The following ABCA1 variants were observed in gnomAD, a reference collection of about 807,000 sequenced individuals.
The protein encoded by ABCA1 is phospholipid-transporting ATPase ABCA1.
Under a neutral mutation model 262.5 loss-of-function variants are expected in ABCA1, and 133 were observed. The ratio of observed to expected loss-of-function variants is 0.51; its 90% CI spans 0.44 to 0.59. The LOEUF is 0.59. ABCA1 is among the 20% of genes least tolerant of loss of function. The pLI is 0.00. For missense variants in ABCA1, 2,452 were observed against 2,777.5 expected (o/e 0.88, Z 2.63); for synonymous variants, 1,022 against 1,043.5 (o/e 0.98, Z 0.40).
At chr9:104,902,279 A>G (rs1007657135) in intron 2 of ABCA1, among the ~76,000 whole-genome samples, 6 of 152,218 alleles carry the variant, frequency 3.9e-5, no homozygotes, top group African/African-American at 1.4e-4. Context: ...GCCCAAGTTT[A>G]TATTTGTGTT....
At chr9:104,862,660 G>C (rs1366571094) in intron 5 of ABCA1, among the ~76,000 whole-genome samples, 134 of 1,502 alleles carry the variant, frequency 0.089, 21 homozygotes, top group African/African-American at 0.2. Context: ...GGGCCGGGCC[G>C]GGCCGGGCCG....
At position 104,910,521 on chromosome 9, in the gene ABCA1, T is replaced by G. The variant is rs532903418; in HGVS notation, c.-92-6750A>C. Among the ~76,000 whole-genome samples the G allele has an allele frequency of 6.6e-5, 10 of 152,338 alleles. No homozygotes were observed. In the East Asian group the frequency reaches 1.3e-3, roughly 21 times the overall value. On this transcript the variant is annotated intron_variant, in intron 1 of 49. Coordinates refer to ENST00000374736, the MANE Select transcript of ABCA1 (RefSeq NM_005502.4). ...CCCAAAATGTACAGATAGCAACTAA[T>G]TCTCCTCTTTCAAAAACAGTGATTA... is the stretch of plus-strand genomic sequence containing the variant.
In ABCA1 at chr9:104,828,896, A is replaced by G. The variant is rs1833020664; in HGVS notation, c.2115+20T>C. 1.2e-6 allele frequency: 2 copies of G among 1,612,106 alleles called. No individual in the cohort carries two copies. Among genetic ancestry groups the G allele is most frequent in the African/African-American group, 1.3e-5 (1 of 74,836 alleles). On this transcript the variant is annotated intron_variant, in intron 15 of 49. Transcript: ENST00000374736. Reference sequence around the variant, plus strand: ...ATTTCGGAGTTTCCTGGCAGGGAAGAGCGAGTGAGGCTGCCTTACCTTCAG... The same window carrying G: ...ATTTCGGAGTTTCCTGGCAGGGAAGGGCGAGTGAGGCTGCCTTACCTTCAG...
chr9:104,911,496 G>A (rs1841496614), intron 1 of ABCA1, among the ~76,000 whole-genome samples: 2 of 152,202 alleles, frequency 1.3e-5, no homozygotes, highest in Admixed American at 6.5e-5. Flanking sequence ...TGGCTGCTGT[G>A]GGGGTGGGAG....
chr9:104,790,138 C>G (rs1301850745), intron 44 of ABCA1, among the ~76,000 whole-genome samples: 4 of 150,860 alleles, frequency 2.7e-5, no homozygotes, highest in Non-Finnish European at 5.9e-5. Flanking sequence ...ATTTAAAGTA[C>G]TTAGAGTAAC....
intron 7 of ABCA1, among the ~76,000 whole-genome samples, chr9:104,848,347 G>A (rs1835074149): frequency 6.6e-6 from 1 of 152,098 alleles, no homozygotes; most frequent in Admixed American, 6.5e-5. Context: ...GGGCATGGTG[G>A]CTCACACCTG....
At chr9:104,917,322 G>T (rs1194724028) in intron 1 of ABCA1, among the ~76,000 whole-genome samples, 1 of 152,226 alleles carries the variant, frequency 6.6e-6, no homozygotes, top group Non-Finnish European at 1.5e-5. Flanking sequence ...ATGTGGGAGA[G>T]TTACACAGGA....
chr9:104,801,082 T>C (rs1447555699), intron 34 of ABCA1, among the ~76,000 whole-genome samples: 1 of 144,208 alleles, frequency 6.9e-6, no homozygotes, highest in Non-Finnish European at 1.5e-5. Context: ...ATGAAGTGAG[T>C]ACTTATCAGG....
rs2777797 is a variant in ABCA1, at chr9:104,786,094, C to A, written c.6401+204G>T. ...AAACTAACTCTTACAGTAGTTAAGTCACTTGCCCAAGAGTCACAGAACCAG... is the reference window on the plus strand; with the variant it reads ...AAACTAACTCTTACAGTAGTTAAGTAACTTGCCCAAGAGTCACAGAACCAG... On this transcript the variant is annotated intron_variant, in intron 48 of 49. Coordinates refer to ENST00000374736, the MANE Select transcript of ABCA1 (RefSeq NM_005502.4). 0.91 allele frequency among the ~76,000 whole-genome samples: 138,229 copies of A among 152,300 alleles called. 62,797 individuals carry two copies. Among genetic ancestry groups the A allele is most frequent in the East Asian group, 1 (5,185 of 5,188 alleles).
chr9:104,814,016 C>T, intron 27 of ABCA1, 102 bp downstream of exon 27: 1 of 1,188,518 alleles, frequency 8.4e-7, no homozygotes, highest in Non-Finnish European at 1.2e-6. Flanking sequence ...CTGTAGGGAT[C>T]TATCACCTTG....
chr9:104,832,870 T>C, intron 11 of ABCA1, 99 bp from the exon 12 acceptor site: 1 of 1,129,860 alleles, frequency 8.9e-7, no homozygotes, highest in Non-Finnish European at 1.3e-6. Context: ...TGTCGTTGTT[T>C]TATCCTCACA....
intron 1 of ABCA1, among the ~76,000 whole-genome samples, chr9:104,905,765 G>A (rs1017198796): frequency 6.6e-6 from 1 of 152,164 alleles, no homozygotes; most frequent in African/African-American, 2.4e-5. Flanking sequence ...TCATACAGAA[G>A]CTGCTCTCCA....
In ABCA1 at chr9:104,796,341, C is replaced by A. The variant is rs1829896753; in HGVS notation, c.5205G>T (p.Leu1735=). 1 of 1,614,098 alleles carries A rather than the reference C, an allele frequency of 6.2e-7. No individual in the cohort carries two copies. The stretch of plus-strand genomic sequence containing the variant: ...GCAAAAGTAGAAGGGCTAGCACAGG[C>A]AGATTGGTGGAGGACACATAGGACT... The part of the protein sequence containing the change: ...QQKSYVSSTN[L]PVLALLLLLY... The change falls in exon 38 of 50, where the codon CTG becomes CTT. Residue 1735 remains leucine (L), a synonymous_variant. Transcript: ENST00000374736.
chr9:104,847,195 C>G (rs4149291), intron 7 of ABCA1, among the ~76,000 whole-genome samples: 42,055 of 152,016 alleles, frequency 0.28, 10,076 homozygotes, highest in African/African-American at 0.66. Context: ...TATAAGGACT[C>G]AATGGAAATA....
intron 36 of ABCA1, 91 bp from the exon 37 acceptor site, chr9:104,798,689 C>T (rs983715755): frequency 1.1e-5 from 12 of 1,067,620 alleles, no homozygotes; most frequent in Admixed American, 5.9e-5. Flanking sequence ...CAAACACACA[C>T]GTACACACAC....
At chr9:104,882,988 G>A (rs1293734679) in intron 5 of ABCA1, 51 bp downstream of exon 5, 1 of 1,459,624 alleles carries the variant, frequency 6.9e-7, no homozygotes, top group East Asian at 2.3e-5. Flanking sequence ...TCTTTCCCTG[G>A]TGCAGGTCAA....
intron 5 of ABCA1, among the ~76,000 whole-genome samples, chr9:104,878,690 A>G (rs775308126): frequency 1.3e-5 from 2 of 152,180 alleles, no homozygotes; most frequent in African/African-American, 4.8e-5. Context: ...GAGACGCTCA[A>G]TATATAAGGG....
chr9:104,883,835 T>G (rs1838906813), intron 4 of ABCA1, among the ~76,000 whole-genome samples: 1 of 152,176 alleles, frequency 6.6e-6, no homozygotes, highest in Non-Finnish European at 1.5e-5. Flanking sequence ...CCTCAATGTC[T>G]CATTTGGGGG....
intron 12 of ABCA1, 121 bp from the exon 13 acceptor site, chr9:104,831,948 C>A: frequency 2.1e-6 from 2 of 967,812 alleles, no homozygotes; most frequent in South Asian, 2.6e-5. Flanking sequence ...TCTCTCTAAT[C>A]CTCTCTAACG....
Sources: allele counts gnomAD v4.1 joint callset (sites outside exome capture counted in the v4.1 genomes callset), GRCh38; gene constraint gnomAD v4.1.1; transcripts MANE v1.5; gene names NCBI Gene and HGNC (gene_info 2026-07-23, HGNC 2026-07-21).